The following GSTCD variants were observed in gnomAD, a reference collection of about 807,000 sequenced individuals.
GSTCD encodes glutathione S-transferase C-terminal domain containing, also known as glutathione S-transferase C-terminal domain-containing protein.
GSTCD carries 44 observed loss-of-function variants against 68.3 expected under a neutral mutation model. That is an observed-to-expected ratio of 0.64 (90% confidence interval 0.51 to 0.83). GSTCD has a LOEUF of 0.83. GSTCD is among the 40% of genes least tolerant of loss of function. The probability of loss-of-function intolerance (pLI) is 0.00; values close to 1 mark genes in which losing one functional copy is unlikely to be tolerated. For synonymous variants in GSTCD, 273 were observed against 255.2 expected (o/e 1.07, Z -0.67); for missense variants, 739 against 735.9 (o/e 1.00, Z -0.05).
At chr4:105,843,141 G>A (rs372900566) in intron 11 of GSTCD, among the ~76,000 whole-genome samples, 9 of 152,246 alleles carry the variant, frequency 5.9e-5, no homozygotes, top group African/African-American at 1.7e-4. Context: ...AGACCAAGTC[G>A]TATGAGAAAT....
At chr4:105,823,375 C>G in intron 7 of GSTCD, 100 bp downstream of exon 7, 1 of 930,700 alleles carries the variant, frequency 1.1e-6, no homozygotes, top group Non-Finnish European at 1.7e-6. Context: ...AGTCACTCAC[C>G]CAAGTCAAAT....
At chr4:105,837,981 A>G (rs1234097746) in intron 10 of GSTCD, 92 bp downstream of exon 10, 1 of 484,796 alleles carries the variant, frequency 2.1e-6, no homozygotes, top group East Asian at 3.8e-5. Flanking sequence ...AATAATCTAT[A>G]GTTATAATTG....
chr4:105,773,026 A>G (rs1308218576), intron 5 of GSTCD, among the ~76,000 whole-genome samples: 1 of 152,126 alleles, frequency 6.6e-6, no homozygotes, highest in African/African-American at 2.4e-5. Flanking sequence ...TTACTGCCTC[A>G]ATTTCAGAAC....
In GSTCD at chr4:105,746,650, T is replaced by C. The variant is rs983264285; in HGVS notation, c.1240+17151T>C. On this transcript the variant is annotated intron_variant, in intron 5 of 11. Transcript: ENST00000515279. The stretch of plus-strand genomic sequence containing the variant: ...AATTTTTTTAATTCTAGTGGCAGAT[T>C]ATCCTCTTAGTAGCAAGATATTCTT... Among the ~76,000 whole-genome samples the C allele has an allele frequency of 2.0e-5, 3 of 152,184 alleles. No individual in the cohort carries two copies. In the East Asian group the frequency reaches 5.8e-4, roughly 29 times the overall value.
At chr4:105,739,636 CTG>C (rs1733566652) in intron 5 of GSTCD, among the ~76,000 whole-genome samples, 1 of 152,286 alleles carries the variant, frequency 6.6e-6, no homozygotes, top group African/African-American at 2.4e-5. Context: ...TTCGAAGAGA[CTG>C]TGTACCTTTT....
chr4:105,727,471 G>A (rs764680646), intron 4 of GSTCD, among the ~76,000 whole-genome samples: 1 of 151,288 alleles, frequency 6.6e-6, no homozygotes, highest in Non-Finnish European at 1.5e-5. Flanking sequence ...GTTTCAGTGG[G>A]CCGAGATTGT....
chr4:105,716,197 C>T (rs1732674875), intron 1 of GSTCD, among the ~76,000 whole-genome samples: 2 of 151,888 alleles, frequency 1.3e-5, no homozygotes, highest in Admixed American at 6.6e-5. Flanking sequence ...ATCACCATAG[C>T]AATAAGCGCT....
At chr4:105,734,136 A>C (rs1251897290) in intron 5 of GSTCD, among the ~76,000 whole-genome samples, 2 of 151,948 alleles carry the variant, frequency 1.3e-5, no homozygotes, top group African/African-American at 4.8e-5. Context: ...CCTTCATTTC[A>C]ACTTTGGTGA....
intron 5 of GSTCD, among the ~76,000 whole-genome samples, chr4:105,768,240 C>T (rs1227835513): frequency 6.6e-6 from 1 of 151,940 alleles, no homozygotes; most frequent in African/African-American, 2.4e-5. Flanking sequence ...CCATGTTGGC[C>T]AGGATGGTCT....
intron 5 of GSTCD, among the ~76,000 whole-genome samples, chr4:105,794,061 C>A (rs370371250): frequency 1.3e-5 from 2 of 152,022 alleles, no homozygotes; most frequent in Non-Finnish European, 2.9e-5. Flanking sequence ...GTTTTTAATA[C>A]TCCGGAGATT....
rs1404122978 is a variant in GSTCD at position 105,718,187 on chromosome 4, A to T, written c.426+148A>T. 8.7e-5 allele frequency: 57 copies of T among 657,008 alleles called. No homozygotes were observed. In the Admixed American group the frequency reaches 1.9e-3, roughly 21 times the overall value. The allele number at this position is 657,008 out of a possible 1,614,324, so 40.7% of individuals were successfully genotyped here. A position where few individuals can be genotyped will look rare whatever the true frequency, so the allele number is the denominator to read the frequency against. On this transcript the variant is annotated intron_variant, in intron 2 of 11. Coordinates refer to ENST00000515279, the MANE Select transcript of GSTCD (RefSeq NM_001370181.1). ...ACCAATGAAATAAAGTAGCCCTTTGATATAGTTTGAATATTTATCCCCTCC... is the reference window on the plus strand; with the variant it reads ...ACCAATGAAATAAAGTAGCCCTTTGTTATAGTTTGAATATTTATCCCCTCC...
chr4:105,733,457 C>G (rs1733331235), intron 5 of GSTCD, among the ~76,000 whole-genome samples: 2 of 152,008 alleles, frequency 1.3e-5, no homozygotes, highest in Admixed American at 1.3e-4. Context: ...CTTCTTAGTT[C>G]TTTTGATCTT....
intron 5 of GSTCD, among the ~76,000 whole-genome samples, chr4:105,733,096 C>T (rs1349069970): frequency 6.6e-6 from 1 of 152,140 alleles, no homozygotes; most frequent in African/African-American, 2.4e-5. Context: ...CTGAGGAGTG[C>T]TTTACTTCCA....
At chr4:105,839,063 C>T (rs1001328291) in intron 10 of GSTCD, among the ~76,000 whole-genome samples, 1 of 152,184 alleles carries the variant, frequency 6.6e-6, no homozygotes, top group Admixed American at 6.5e-5. Flanking sequence ...AGCTCTGTCT[C>T]TTACCACCTT....
At chr4:105,816,439 A>C (rs528213023) in intron 5 of GSTCD, among the ~76,000 whole-genome samples, 2 of 152,118 alleles carry the variant, frequency 1.3e-5, no homozygotes, top group African/African-American at 4.8e-5. Flanking sequence ...CCCAAAGGTC[A>C]GTTCATTAAA....
chr4:105,769,626 G>C (rs1331419471), intron 5 of GSTCD, among the ~76,000 whole-genome samples: 1 of 152,066 alleles, frequency 6.6e-6, no homozygotes, highest in Admixed American at 6.6e-5. Context: ...AGCAAAATTT[G>C]TAATAATAGC....
In GSTCD at chr4:105,823,287, A is replaced by G; in HGVS notation, c.1401+12A>G. ...TGCCATCATGTCAGGTAAAGCCAGA[A>G]TAAGAGATAAAAGGAAATATTTTAA... On this transcript the variant is annotated intron_variant, in intron 7 of 11. Transcript: ENST00000515279. The G allele has an allele frequency of 6.2e-7, 1 of 1,612,926 alleles. No homozygotes were observed. The highest frequency in any genetic ancestry group is 1.7e-4 in the Middle Eastern group (1 of 6,058).
chr4:105,757,087 A>G (rs1052121102), intron 5 of GSTCD, among the ~76,000 whole-genome samples: 2 of 152,182 alleles, frequency 1.3e-5, no homozygotes, highest in Non-Finnish European at 2.9e-5. Context: ...TTGGAAGAGT[A>G]GTTTGTCCCA....
chr4:105,766,634 G>C (rs1212105513), intron 5 of GSTCD, among the ~76,000 whole-genome samples: 1 of 152,004 alleles, frequency 6.6e-6, no homozygotes, highest in Non-Finnish European at 1.5e-5. Flanking sequence ...CATGTTCATA[G>C]ATCATAGGAT....
Sources: gnomAD v4.1 joint callset for allele counts (sites outside exome capture counted in the v4.1 genomes callset) on GRCh38, gnomAD v4.1.1 for gene constraint, MANE v1.5 for transcripts, NCBI Gene and HGNC (gene_info 2026-07-23, HGNC 2026-07-21) for gene names.